Variants in TAFA1 observed in about 807,000 individuals in gnomAD.
The protein encoded by TAFA1 is TAFA chemokine like family member 1, also known as chemokine-like protein TAFA-1.
In TAFA1, 4 loss-of-function variants were observed where a neutral mutation model predicts 18.5. The observed-to-expected ratio is 0.22, with a 90% CI of 0.11 to 0.49. TAFA1 has a LOEUF of 0.49. Ranked by LOEUF, TAFA1 falls within the 20% of genes least tolerant of loss-of-function variation. The pLI is 0.98. For missense variants in TAFA1, 147 were observed against 169.0 expected (o/e 0.87, Z 0.72); for synonymous variants, 56 against 55.2 (o/e 1.01, Z -0.06).
intron 3 of TAFA1, among the ~76,000 whole-genome samples, chr3:68,456,971 G>A (rs890945291): frequency 6.6e-6 from 1 of 152,142 alleles, no homozygotes; most frequent in African/African-American, 2.4e-5. Flanking sequence ...TGTTATCCAA[G>A]GTTTATGATA....
At chr3:68,379,544 C>T (rs997779855) in intron 2 of TAFA1, among the ~76,000 whole-genome samples, 5 of 152,078 alleles carry the variant, frequency 3.3e-5, no homozygotes, top group African/African-American at 1.2e-4. Context: ...TTGCTTTTGG[C>T]ATCTACATCA....
intron 2 of TAFA1, among the ~76,000 whole-genome samples, chr3:68,137,670 T>C (rs1374088715): frequency 2.0e-5 from 3 of 152,230 alleles, no homozygotes; most frequent in Non-Finnish European, 4.4e-5. Flanking sequence ...TGCCTTCATA[T>C]GGACGTCCTT....
chr3:68,215,346 G>C (rs1275024771), intron 2 of TAFA1, among the ~76,000 whole-genome samples: 2 of 151,982 alleles, frequency 1.3e-5, no homozygotes, highest in Non-Finnish European at 2.9e-5. Context: ...CCTTTGCCCA[G>C]TTAATCTTCA....
At chr3:68,222,040 T>C (rs1245433453) in intron 2 of TAFA1, among the ~76,000 whole-genome samples, 1 of 152,206 alleles carries the variant, frequency 6.6e-6, no homozygotes, top group East Asian at 1.9e-4. Flanking sequence ...AAAAATCCTC[T>C]AACTTTTTCA....
chr3:68,108,830 CAG>C (rs577214048), intron 2 of TAFA1, among the ~76,000 whole-genome samples: 101 of 152,062 alleles, frequency 6.6e-4, no homozygotes, highest in Admixed American at 1.4e-3. Flanking sequence ...ATACTAAAAA[CAG>C]AGATCTAGAA....
intron 2 of TAFA1, among the ~76,000 whole-genome samples, chr3:68,197,756 G>A (rs945468084): frequency 1.3e-5 from 2 of 151,752 alleles, no homozygotes; most frequent in Middle Eastern, 3.4e-3. Flanking sequence ...AGGCTCTGAT[G>A]ATACACTTAG....
intron 3 of TAFA1, among the ~76,000 whole-genome samples, chr3:68,531,469 G>T (rs949774961): frequency 6.6e-6 from 1 of 152,084 alleles, no homozygotes; most frequent in African/African-American, 2.4e-5. Context: ...CTGGGTGGTT[G>T]TGTCCCATCT....
chr3:68,256,334 A>G (rs1159807827), intron 2 of TAFA1, among the ~76,000 whole-genome samples: 1 of 152,084 alleles, frequency 6.6e-6, no homozygotes, highest in Non-Finnish European at 1.5e-5. Flanking sequence ...TCAAACCAGA[A>G]CTTCCTTAGC....
At chr3:68,289,562 T>C (rs1559601447) in intron 2 of TAFA1, among the ~76,000 whole-genome samples, 1 of 136,556 alleles carries the variant, frequency 7.3e-6, no homozygotes, top group East Asian at 2.0e-4. Flanking sequence ...GACCTTCTTC[T>C]CTGCTTTGTG....
intron 3 of TAFA1, among the ~76,000 whole-genome samples, chr3:68,422,773 A>G (rs916934857): frequency 2.0e-5 from 3 of 152,122 alleles, no homozygotes; most frequent in Admixed American, 6.6e-5. Flanking sequence ...ATACTTATAA[A>G]AGCATTATAT....
At chr3:68,411,622 G>A (rs1262660324) in intron 2 of TAFA1, among the ~76,000 whole-genome samples, 1 of 152,044 alleles carries the variant, frequency 6.6e-6, no homozygotes, top group Non-Finnish European at 1.5e-5. Context: ...TTTTTCCTTA[G>A]CAGAAGAATC....
At chr3:68,014,856 C>G (rs543186093) in intron 2 of TAFA1, among the ~76,000 whole-genome samples, 1 of 152,064 alleles carries the variant, frequency 6.6e-6, no homozygotes, top group Non-Finnish European at 1.5e-5. Context: ...AGCCAGAAAT[C>G]TAAAAATTGA....
intron 2 of TAFA1, among the ~76,000 whole-genome samples, chr3:68,352,526 C>T (rs2069287700): frequency 6.6e-6 from 1 of 151,954 alleles, no homozygotes; most frequent in Non-Finnish European, 1.5e-5. Context: ...CATATCTGAG[C>T]TGACAAGAGT....
intron 2 of TAFA1, among the ~76,000 whole-genome samples, chr3:68,320,518 C>T (rs2068682383): frequency 6.6e-6 from 1 of 152,134 alleles, no homozygotes; most frequent in Non-Finnish European, 1.5e-5. Flanking sequence ...GCAAGCCTAT[C>T]TCCTCCTTGG....
Position 68,332,141 on chromosome 3 carries a change from G to T in TAFA1, c.119-85139G>T, listed in dbSNP as rs546309507. ...GCCTCCCAAAGTGCTGAGATTACAG[G>T]TGTGAGCCACCGCGCCCGGCCAAGG... On this transcript the variant is annotated intron_variant, in intron 2 of 4. Transcript: ENST00000478136. Among the ~76,000 whole-genome samples, 3 of 151,850 alleles carry T rather than the reference G, an allele frequency of 2.0e-5. No individual in the cohort carries two copies. The East Asian group carries it at 5.8e-4, about 29-fold the overall frequency.
intron 3 of TAFA1, among the ~76,000 whole-genome samples, chr3:68,526,004 A>C (rs1163367018): frequency 6.6e-6 from 1 of 152,200 alleles, no homozygotes; most frequent in African/African-American, 2.4e-5. Flanking sequence ...TGACAGCTTA[A>C]TAAAATAAGA....
At chr3:68,353,439 G>A (rs2069306883) in intron 2 of TAFA1, among the ~76,000 whole-genome samples, 1 of 152,072 alleles carries the variant, frequency 6.6e-6, no homozygotes, top group South Asian at 2.1e-4. Flanking sequence ...TGTGATTATT[G>A]TGGTGTGAGC....
chr3:68,003,847 G>A (rs1273923917), upstream of TAFA1, among the ~76,000 whole-genome samples: 2 of 152,082 alleles, frequency 1.3e-5, no homozygotes, highest in African/African-American at 4.8e-5. Flanking sequence ...TCCTATTCCA[G>A]GTAAATTCTA....
intron 2 of TAFA1, among the ~76,000 whole-genome samples, chr3:68,289,525 C>T (rs114605020): frequency 1.5e-5 from 2 of 129,284 alleles, no homozygotes; most frequent in Non-Finnish European, 3.5e-5. Flanking sequence ...TTAGGAGAGG[C>T]TTATGGGCTA....
Sources: gnomAD v4.1 joint callset for allele counts (sites outside exome capture counted in the v4.1 genomes callset) on GRCh38, gnomAD v4.1.1 for gene constraint, MANE v1.5 for transcripts, NCBI Gene and HGNC (gene_info 2026-07-23, HGNC 2026-07-21) for gene names.